ULK4: variants seen among roughly 807,000 people sequenced by gnomAD.
The protein encoded by ULK4 is unc-51 like kinase 4.
A neutral mutation model predicts 160.6 loss-of-function variants in ULK4; 133 were observed. The ratio of observed to expected loss-of-function variants is 0.83; its 90% CI spans 0.72 to 0.96. ULK4 has a LOEUF of 0.96. Ranked by LOEUF, ULK4 falls within the 40% of genes least tolerant of loss-of-function variation. The pLI, the probability that ULK4 is intolerant of heterozygous loss-of-function variation, is 0.00. For missense variants in ULK4, 1,580 were observed against 1,499.5 expected (o/e 1.05, Z -0.89); for synonymous variants, 534 against 539.8 (o/e 0.99, Z 0.15).
rs147871312 is a variant in ULK4, at chr3:41,906,473, G to C, written c.1182+1372C>G. ...GAGCCAAGGAGGTCCTGGCTGCAGT[G>C]AGCTATGATTGTACCACTGTACTCC... On this transcript the variant is annotated intron_variant, in intron 12 of 36. Coordinates refer to ENST00000301831, the MANE Select transcript of ULK4 (RefSeq NM_017886.4). Among the ~76,000 whole-genome samples, 1,394 of 152,196 alleles carry C rather than the reference G, an allele frequency of 9.2e-3. 27 individuals are homozygous for C. Among genetic ancestry groups the C allele is most frequent in the African/African-American group, 0.031 (1,300 of 41,530 alleles).
At chr3:41,961,108 CCTAAGAAGCAT>C (rs138293983) in intron 1 of ULK4, among the ~76,000 whole-genome samples, 2,180 of 152,270 alleles carry the variant, frequency 0.014, 53 homozygotes, top group African/African-American at 0.05. Flanking sequence ...CACAAGTTCA[CCTAAGAAGCAT>C]CTAAGAAGCC....
chr3:41,662,135 T>C (rs1223898002), intron 30 of ULK4, among the ~76,000 whole-genome samples: 3 of 152,250 alleles, frequency 2.0e-5, no homozygotes, highest in Non-Finnish European at 4.4e-5. Flanking sequence ...ATTCACTCTT[T>C]AGAATTAAAT....
chr3:41,366,566 C>A (rs1431642270), intron 35 of ULK4, among the ~76,000 whole-genome samples: 1 of 151,974 alleles, frequency 6.6e-6, no homozygotes. Context: ...CACACACACA[C>A]ACACACACTT....
At chr3:41,882,080 C>G (rs1372382369) in intron 17 of ULK4, 1 of 652,854 alleles carries the variant, frequency 1.5e-6, no homozygotes, top group Non-Finnish European at 2.8e-6. Flanking sequence ...ATGCCCTCTG[C>G]CCAGCCCCTT....
rs777587812 is a variant in ULK4, at chr3:41,779,985, TAAA to T, written c.2193+9673_2193+9675del. ...ATGTACCCTAAAACTTAGAGTATAATAAAAAAAAAAAAAAAAAAAAAGGTACAA... is the reference window on the plus strand; with the variant it reads ...ATGTACCCTAAAACTTAGAGTATAATAAAAAAAAAAAAAAAAAAGGTACAA... On this transcript the variant is annotated intron_variant, in intron 21 of 36. Coordinates refer to ENST00000301831, the MANE Select transcript of ULK4 (RefSeq NM_017886.4). 9.1e-4 allele frequency among the ~76,000 whole-genome samples: 54 copies of T among 59,364 alleles called. 2 individuals are homozygous for T. The highest frequency in any genetic ancestry group is 1.8e-3 in the African/African-American group (39 of 21,572). 38.9% of individuals were successfully genotyped at this position (59,364 alleles called of 152,430 possible).
At chr3:41,537,672 G>A in intron 32 of ULK4, among the ~76,000 whole-genome samples, 1 of 152,110 alleles carries the variant, frequency 6.6e-6, no homozygotes, top group East Asian at 1.9e-4. Flanking sequence ...ACTAATTCCA[G>A]AAATAAAATA....
chr3:41,702,601 G>C (rs1000904929), intron 27 of ULK4, among the ~76,000 whole-genome samples: 8 of 151,656 alleles, frequency 5.3e-5, no homozygotes, highest in African/African-American at 1.9e-4. Flanking sequence ...GACAAAGGAG[G>C]GTAAGGCAAA....
intron 27 of ULK4, among the ~76,000 whole-genome samples, chr3:41,695,449 G>A (rs796883458): frequency 3.9e-5 from 6 of 152,258 alleles, no homozygotes; most frequent in African/African-American, 1.4e-4. Flanking sequence ...GGGCAGAGTA[G>A]TAACAAACTG....
intron 35 of ULK4, among the ~76,000 whole-genome samples, chr3:41,301,569 G>A (rs2079798951): frequency 6.6e-6 from 1 of 152,166 alleles, no homozygotes; most frequent in Non-Finnish European, 1.5e-5. Context: ...ATTTTCTACA[G>A]AGACAGGCTT....
chr3:41,785,817 C>A (rs2039983393), intron 21 of ULK4, among the ~76,000 whole-genome samples: 1 of 152,148 alleles, frequency 6.6e-6, no homozygotes, highest in African/African-American at 2.4e-5. Context: ...ATGACCCTAC[C>A]TGAGCTGGGT....
At chr3:41,369,158 T>C (rs1450833921) in intron 35 of ULK4, among the ~76,000 whole-genome samples, 5 of 152,342 alleles carry the variant, frequency 3.3e-5, no homozygotes, top group South Asian at 2.1e-4. Context: ...ACAACTGCTA[T>C]AGCATTTACA....
At position 41,911,588 on chromosome 3, in the gene ULK4, G is replaced by C; in HGVS notation, c.968C>G (p.Ala323Gly). The part of the protein sequence containing the change: ...ELLQNSQSRQ[A>G]KGHKSGQPLG... ...TGGTTGACCACTCTTGTGCCCTTTT[G>C]CTTGTCTACTCTGAGAGTTCTGCAA... The change falls in exon 10 of 37, where the codon GCA becomes GGA. Residue 323 changes from alanine (A) to glycine (G), a missense_variant. By Grantham distance (60) the Ala-to-Gly change is moderately conservative (BLOSUM62 0). Transcript: ENST00000301831. The C allele has an allele frequency of 1.9e-6, 3 of 1,613,994 alleles. No homozygotes were observed. Among genetic ancestry groups the C allele is most frequent in the Non-Finnish European group, 1.7e-6 (2 of 1,180,022 alleles).
chr3:41,907,045 C>T (rs760386177), intron 12 of ULK4, among the ~76,000 whole-genome samples: 2 of 151,862 alleles, frequency 1.3e-5, no homozygotes, highest in African/African-American at 2.4e-5. Flanking sequence ...AAGCTAGTAA[C>T]GAAAGACCAC....
At chr3:41,867,038 T>C (rs1021310222) in intron 17 of ULK4, among the ~76,000 whole-genome samples, 2 of 152,236 alleles carry the variant, frequency 1.3e-5, no homozygotes, top group East Asian at 3.8e-4. Flanking sequence ...TTTATCAATA[T>C]GAACTATTGG....
In ULK4 at chr3:41,322,275, A is replaced by G. The variant is rs55757234; in HGVS notation, c.3679-72701T>C. Among the ~76,000 whole-genome samples the G allele has an allele frequency of 1.8e-4, 20 of 109,508 alleles. 1 individual carries two copies. The highest frequency in any genetic ancestry group is 4.6e-4 in the East Asian group (2 of 4,382). The allele number at this position is 109,508 out of a possible 152,430, so 71.8% of individuals were successfully genotyped here. ...TGGAACTCCTGGCCTCAAGCAATCC[A>G]CCTGCCTCAGCCTCCCAAACTGCTG... is the stretch of plus-strand genomic sequence containing the variant. On this transcript the variant is annotated intron_variant, in intron 35 of 36. Transcript: ENST00000301831.
chr3:41,851,632 G>A (rs911315435), intron 17 of ULK4, among the ~76,000 whole-genome samples: 2 of 152,044 alleles, frequency 1.3e-5, no homozygotes, highest in African/African-American at 4.8e-5. Context: ...CTATTGATTG[G>A]AATAGTTTCA....
intron 21 of ULK4, among the ~76,000 whole-genome samples, chr3:41,772,185 A>G: frequency 6.6e-6 from 1 of 152,232 alleles, no homozygotes; most frequent in Non-Finnish European, 1.5e-5. Flanking sequence ...AAACACATTC[A>G]AAAGCTAGCA....
At chr3:41,623,155 G>A (rs919672007) in intron 30 of ULK4, among the ~76,000 whole-genome samples, 1 of 152,192 alleles carries the variant, frequency 6.6e-6, no homozygotes, top group Non-Finnish European at 1.5e-5. Context: ...GGTATGTGTA[G>A]TTTGTCTATT....
intron 35 of ULK4, among the ~76,000 whole-genome samples, chr3:41,384,857 T>C (rs2081764277): frequency 6.6e-6 from 1 of 152,146 alleles, no homozygotes; most frequent in African/African-American, 2.4e-5. Flanking sequence ...AGTACTGGGA[T>C]TACAGGCGTG....
Sources: gnomAD v4.1 joint callset for allele counts (sites outside exome capture counted in the v4.1 genomes callset) on GRCh38, gnomAD v4.1.1 for gene constraint, MANE v1.5 for transcripts, NCBI Gene and HGNC (gene_info 2026-07-23, HGNC 2026-07-21) for gene names.